Variants in CCDC141 observed in about 807,000 individuals in gnomAD.
CCDC141 encodes coiled-coil domain-containing protein 141.
CCDC141 carries 168 observed loss-of-function variants against 181.0 expected under a neutral mutation model. The ratio of observed to expected loss-of-function variants is 0.93; its 90% CI spans 0.82 to 1.05. The LOEUF is 1.05. Among genes scored for constraint, CCDC141 ranks in the 50% least tolerant of loss-of-function variants. The pLI, the probability that CCDC141 is intolerant of heterozygous loss-of-function variation, is 0.00. For missense variants in CCDC141, 1,902 were observed against 1,788.5 expected, an observed-to-expected ratio of 1.06 and a Z score of -1.14; for synonymous variants, 666 against 642.3, an observed-to-expected ratio of 1.04 and a Z score of -0.56.
rs564975173 is a variant in CCDC141, at chr2:178,849,032, A to G, written c.3357+1017T>C. On this transcript the variant is annotated intron_variant, in intron 21 of 23. Coordinates refer to ENST00000443758, the MANE Select transcript of CCDC141 (RefSeq NM_173648.4). ...TAAAATGGTAAAATGGTAAAAAAAA[A>G]TCTAGATTTTTAACCAAAGGATAAA... Among the ~76,000 whole-genome samples, 556 of 152,304 alleles carry G rather than the reference A, an allele frequency of 3.7e-3. 2 individuals carry two copies. Among genetic ancestry groups the G allele is most frequent in the Non-Finnish European group, 5.9e-3 (404 of 68,018 alleles).
Position 178,961,471 on chromosome 2 carries a change from C to A in CCDC141, c.539G>T (p.Arg180Leu). 1 of 1,547,582 alleles carries A rather than the reference C, an allele frequency of 6.5e-7. No individual in the cohort carries two copies. The highest frequency in any genetic ancestry group is 8.7e-7 in the Non-Finnish European group (1 of 1,145,308). Reference sequence around the variant, plus strand: ...ACTTTTGTTTAAAAGGGCTAAAGACCGTTCCAAGAGTTCTAGAAGAAAATT... The same window carrying A: ...ACTTTTGTTTAAAAGGGCTAAAGACAGTTCCAAGAGTTCTAGAAGAAAATT... Reference protein sequence around the residue: ...HEHHTKELLERSLALLNKSQQ... With the variant: ...HEHHTKELLELSLALLNKSQQ... Residue 180 changes from arginine to leucine, a missense_variant, in exon 5 of 24, where the codon CGG becomes CTG. Coordinates refer to ENST00000443758, the MANE Select transcript of CCDC141 (RefSeq NM_173648.4).
At chr2:178,871,371 C>T in intron 14 of CCDC141, 56 bp downstream of exon 14, 4 of 1,555,546 alleles carry the variant, frequency 2.6e-6, no homozygotes, top group Non-Finnish European at 2.6e-6. Context: ...AAACTGCAAC[C>T]AAACAGTTTT....
At chr2:178,990,508 AAG>A (rs375327814) in intron 2 of CCDC141, among the ~76,000 whole-genome samples, 2 of 147,830 alleles carry the variant, frequency 1.4e-5, no homozygotes, top group Admixed American at 6.7e-5. Flanking sequence ...CATAGTACAA[AAG>A]AGAGAGAGAG....
intron 6 of CCDC141, among the ~76,000 whole-genome samples, chr2:178,939,723 G>T (rs1297621886): frequency 6.6e-6 from 1 of 152,044 alleles, no homozygotes; most frequent in African/African-American, 2.4e-5. Context: ...ATCACTGGGA[G>T]GTCGTCCAAG....
intron 8 of CCDC141, among the ~76,000 whole-genome samples, chr2:178,896,777 T>C (rs1197475087): frequency 6.6e-6 from 1 of 152,196 alleles, no homozygotes; most frequent in Non-Finnish European, 1.5e-5. Context: ...AACTTCTTTG[T>C]GCCCTAGTTT....
intron 7 of CCDC141, among the ~76,000 whole-genome samples, chr2:178,909,479 A>G (rs1391773327): frequency 6.6e-6 from 1 of 152,218 alleles, no homozygotes; most frequent in Non-Finnish European, 1.5e-5. Context: ...TAATAGGAAT[A>G]ATCTGCAGAC....
In CCDC141 at chr2:179,047,431, G is replaced by A. The variant is rs926494269; in HGVS notation, c.103-25C>T. 3 of 1,480,908 alleles carry A rather than the reference G, an allele frequency of 2.0e-6. No individual in the cohort carries two copies. In the African/African-American group the frequency reaches 4.3e-5, roughly 21 times the overall value. 91.7% of individuals were successfully genotyped at this position (1,480,908 alleles called of 1,614,324 possible). On this transcript the variant is annotated intron_variant, in intron 1 of 23. Coordinates refer to ENST00000443758, the MANE Select transcript of CCDC141 (RefSeq NM_173648.4). ...ACTAAAAATAAAAATTAAATAAAAT[G>A]CACTTTTAGTTCCTCTTGTTCCTTC...
At chr2:178,927,538 G>A (rs757109221) in intron 6 of CCDC141, among the ~76,000 whole-genome samples, 1 of 152,054 alleles carries the variant, frequency 6.6e-6, no homozygotes, top group South Asian at 2.1e-4. Flanking sequence ...CAAGGGGGTC[G>A]GTGTTATCAA....
chr2:178,909,109 T>A (rs184317764), intron 7 of CCDC141, among the ~76,000 whole-genome samples: 11 of 152,256 alleles, frequency 7.2e-5, no homozygotes, highest in Middle Eastern at 3.4e-3. Context: ...AACCACAACA[T>A]CATTGAATGC....
intron 17 of CCDC141, among the ~76,000 whole-genome samples, chr2:178,857,795 T>C (rs951633436): frequency 2.0e-5 from 3 of 152,180 alleles, no homozygotes; most frequent in African/African-American, 4.8e-5. Flanking sequence ...TTTTCAATGA[T>C]AGCAAACAAA....
At position 178,868,075 on chromosome 2, in the gene CCDC141, C is replaced by G. The variant is rs369649404; in HGVS notation, c.2525G>C (p.Arg842Thr). The G allele has an allele frequency of 6.2e-7, 1 of 1,614,032 alleles. No individual in the cohort carries two copies. Among genetic ancestry groups the G allele is most frequent in the South Asian group, 1.1e-5 (1 of 91,078 alleles). The change falls in exon 16 of 24, where the codon AGA becomes ACA. Residue 842 changes from arginine (R) to threonine (T), a missense_variant. Transcript: ENST00000443758. The stretch of plus-strand genomic sequence containing the variant: ...GTCGACTCCTAAGGAAAGGGCCAGT[C>G]TGTGGAGATGGTCTACACGGGCTTG... ...EKQARVDHLHRLALSLGVDII... is the reference protein window; with the variant it reads ...EKQARVDHLHTLALSLGVDII...
chr2:178,869,754 A>G (rs1010822009), intron 14 of CCDC141, among the ~76,000 whole-genome samples: 7 of 152,222 alleles, frequency 4.6e-5, no homozygotes, highest in African/African-American at 1.7e-4. Flanking sequence ...GTGATAAAAG[A>G]ATGATCAGAA....
chr2:178,868,712 A>G (rs1685972053), intron 15 of CCDC141, among the ~76,000 whole-genome samples: 1 of 152,162 alleles, frequency 6.6e-6, no homozygotes. Flanking sequence ...TGCTTATCAA[A>G]AAGTAATTAA....
intron 6 of CCDC141, among the ~76,000 whole-genome samples, chr2:178,919,682 A>T (rs1290192003): frequency 6.6e-6 from 1 of 152,270 alleles, no homozygotes; most frequent in African/African-American, 2.4e-5. Flanking sequence ...AATGTGTACA[A>T]GAAATGAAGA....
intron 20 of CCDC141, 86 bp downstream of exon 20, chr2:178,853,354 CT>C (rs1222198937): frequency 3.2e-6 from 4 of 1,232,224 alleles, no homozygotes; most frequent in Non-Finnish European, 4.6e-6. Flanking sequence ...ACCCTGAGGA[CT>C]TGCCACACTC....
the CCDC141 span, among the ~76,000 whole-genome samples, chr2:178,824,553 A>G: frequency 1.5e-5 from 2 of 137,286 alleles, no homozygotes; most frequent in Non-Finnish European, 1.5e-5. Flanking sequence ...CGGGAGGCAG[A>G]GGTTTCAGTG....
chr2:178,903,004 A>G (rs1230180142), intron 8 of CCDC141, among the ~76,000 whole-genome samples: 4 of 149,350 alleles, frequency 2.7e-5, no homozygotes, highest in Non-Finnish European at 5.9e-5. Flanking sequence ...ACACATGAAA[A>G]AGTGCTCACC....
At chr2:179,036,535 A>G (rs1283809782) in intron 2 of CCDC141, among the ~76,000 whole-genome samples, 1 of 152,240 alleles carries the variant, frequency 6.6e-6, no homozygotes, top group African/African-American at 2.4e-5. Context: ...GAAATGAACC[A>G]GGGAAAGAAA....
chr2:178,997,727 A>G (rs1465082587), intron 2 of CCDC141, among the ~76,000 whole-genome samples: 1 of 152,154 alleles, frequency 6.6e-6, no homozygotes, highest in Non-Finnish European at 1.5e-5. Flanking sequence ...TGGTGGGAAA[A>G]CCATTGATAA....
Sources: allele counts gnomAD v4.1 joint callset (sites outside exome capture counted in the v4.1 genomes callset), GRCh38; gene constraint gnomAD v4.1.1; transcripts MANE v1.5; gene names NCBI Gene and HGNC (gene_info 2026-07-23, HGNC 2026-07-21).